Variants in DNAJC13 observed in about 807,000 individuals in gnomAD.
DNAJC13 encodes the protein DnaJ heat shock protein family (Hsp40) member C13, also known as dnaJ homolog subfamily C member 13.
Under a neutral mutation model 290.5 loss-of-function variants are expected in DNAJC13, and 75 were observed. That is an observed-to-expected ratio of 0.26 (90% CI 0.21 to 0.31). The LOEUF (loss-of-function observed/expected upper bound fraction) is 0.31, where lower values mean the gene tolerates loss of function less well. DNAJC13 is among the 10% of genes least tolerant of loss of function. The pLI is 1.00. For missense variants in DNAJC13, 2,260 were observed against 2,674.5 expected (o/e 0.85, Z 3.42); for synonymous variants, 862 against 892.0 (o/e 0.97, Z 0.60).
chr3:132,447,941 T>C lies in DNAJC13; in HGVS notation c.336+2T>C. 6.5e-7 allele frequency: 1 copy of C among 1,528,294 alleles called. No individual in the cohort carries two copies. Among genetic ancestry groups the C allele is most frequent in the Non-Finnish European group, 9.0e-7 (1 of 1,106,274 alleles). 94.7% of individuals were successfully genotyped at this position (1,528,294 alleles called of 1,614,324 possible). ...TCAGAGGGAAAAATCACAGGAAGGG[T>C]AAATATTTAACATTTATTATGTATT... On this transcript the variant is annotated splice_donor_variant, in intron 5 of 55. Transcript: ENST00000260818. LOFTEE classifies it high-confidence loss of function.
chr3:132,455,971 C>T (rs1248887578), intron 9 of DNAJC13, among the ~76,000 whole-genome samples: 2 of 151,752 alleles, frequency 1.3e-5, no homozygotes, highest in Admixed American at 1.3e-4. Context: ...CAATTAGAAC[C>T]GAGTAAAGCT....
chr3:132,530,989 C>T lies in DNAJC13; in HGVS notation c.6526-9C>T, dbSNP rs760565482. 9 of 1,611,548 alleles carry T rather than the reference C, an allele frequency of 5.6e-6. No homozygotes were observed. Among genetic ancestry groups the T allele is most frequent in the Non-Finnish European group, 7.6e-6 (9 of 1,178,044 alleles). ...TTTTATGTTCAAAGGGCTTGTTTTA[C>T]TTTCCTAGGTGAATGAAATCCTGTG... On this transcript the variant is annotated splice_polypyrimidine_tract_variant and intron_variant, in intron 54 of 55. Coordinates refer to ENST00000260818, the MANE Select transcript of DNAJC13 (RefSeq NM_015268.4).
chr3:132,533,333 CTTTTTTT>C (rs1180651951), intron 55 of DNAJC13, among the ~76,000 whole-genome samples: 2 of 115,714 alleles, frequency 1.7e-5, no homozygotes, highest in Admixed American at 9.6e-5. Context: ...TGCCCGCCCT[CTTTTTTT>C]TTTTTTTTTT....
intron 33 of DNAJC13, among the ~76,000 whole-genome samples, chr3:132,492,836 G>T (rs1935108202): frequency 6.6e-6 from 1 of 151,770 alleles, no homozygotes; most frequent in African/African-American, 2.4e-5. Context: ...TTGCAATCTT[G>T]ATCTTTTGTG....
intron 45 of DNAJC13, among the ~76,000 whole-genome samples, 193 bp from the exon 46 acceptor site, chr3:132,514,378 G>C (rs189514564): frequency 6.6e-6 from 1 of 152,018 alleles, no homozygotes; most frequent in Non-Finnish European, 1.5e-5. Context: ...AGGATTGAAG[G>C]CTTCTTAGAA....
At chr3:132,490,408 A>G (rs1935026447) in intron 31 of DNAJC13, among the ~76,000 whole-genome samples, 1 of 152,336 alleles carries the variant, frequency 6.6e-6, no homozygotes, top group Non-Finnish European at 1.5e-5. Context: ...GCAGTTAATT[A>G]TAATTACTTT....
rs906382253 is a variant in DNAJC13 at position 132,441,548 on chromosome 3, T to G, written c.69-4927T>G. ...TGAAGGGATTGAGGATCTTGAACTTTAAAAGTAATACAGGTACACAGAAAT... is the reference window on the plus strand; with the variant it reads ...TGAAGGGATTGAGGATCTTGAACTTGAAAAGTAATACAGGTACACAGAAAT... On this transcript the variant is annotated intron_variant, in intron 2 of 55. Transcript: ENST00000260818. 7.2e-5 allele frequency among the ~76,000 whole-genome samples: 11 copies of G among 152,302 alleles called. No homozygotes were observed. The East Asian group carries it at 2.1e-3, about 29-fold the overall frequency.
chr3:132,532,912 A>AATTATTATTATTATTATTATTATT (rs78689169), intron 55 of DNAJC13, among the ~76,000 whole-genome samples: 4,273 of 141,756 alleles, frequency 0.03, 198 homozygotes, highest in African/African-American at 0.087. Flanking sequence ...TAATTTTTGT[A>AATTATTATTATTATTATTATTATT]ATTATTATTA....
intron 8 of DNAJC13, 30 bp downstream of exon 8, chr3:132,453,724 G>C (rs1286739947): frequency 3.9e-6 from 6 of 1,537,882 alleles, no homozygotes; most frequent in Non-Finnish European, 5.3e-6. Flanking sequence ...GCTTAAATGA[G>C]ATTTCTTTCT....
At chr3:132,439,907 A>T (rs1932998644) in intron 2 of DNAJC13, among the ~76,000 whole-genome samples, 1 of 152,230 alleles carries the variant, frequency 6.6e-6, no homozygotes, top group South Asian at 2.1e-4. Context: ...CAATACAACC[A>T]GATGAACGAT....
chr3:132,452,611 C>A (rs1933451759), intron 6 of DNAJC13, among the ~76,000 whole-genome samples: 1 of 152,134 alleles, frequency 6.6e-6, no homozygotes, highest in Non-Finnish European at 1.5e-5. Flanking sequence ...AAATCGGAAA[C>A]TTTTTGAGTG....
At chr3:132,450,921 A>G (rs1559874059) in intron 6 of DNAJC13, 74 bp downstream of exon 6, 1 of 896,596 alleles carries the variant, frequency 1.1e-6, no homozygotes, top group South Asian at 2.4e-5. Flanking sequence ...AGCTTTTTAT[A>G]CTTCATTTTG....
intron 33 of DNAJC13, 152 bp from the exon 34 acceptor site, chr3:132,493,992 A>G (rs927193118): frequency 8.3e-6 from 5 of 602,176 alleles, no homozygotes; most frequent in Non-Finnish European, 1.1e-5. Flanking sequence ...AGCAGTGCTC[A>G]GGTGATTTTG....
At chr3:132,471,182 T>A (rs1320551357) in intron 20 of DNAJC13, among the ~76,000 whole-genome samples, 4 of 103,972 alleles carry the variant, frequency 3.8e-5, no homozygotes, top group Non-Finnish European at 4.0e-5. Context: ...CACTTCCCAG[T>A]AGGGGCGGCC....
intron 29 of DNAJC13, among the ~76,000 whole-genome samples, chr3:132,485,326 G>A (rs1476183180): frequency 6.6e-6 from 1 of 152,020 alleles, no homozygotes. Flanking sequence ...TTTTAGTAGA[G>A]CAGGGGTTTT....
At position 132,538,598 on chromosome 3, in the gene DNAJC13, A is replaced by T; in HGVS notation, c.*316A>T. The T allele has an allele frequency of 5.5e-6, 1 of 183,146 alleles. No individual in the cohort carries two copies. The highest frequency in any genetic ancestry group is 1.1e-5 in the Non-Finnish European group (1 of 89,184). The allele number at this position is 183,146 out of a possible 1,614,324, so 11.3% of individuals were successfully genotyped here. The stretch of plus-strand genomic sequence containing the variant: ...CAAAACTTTCTTCCTAGTTTTTGTA[A>T]TTTTTTTTTTGAACTAGCATGACTG... On this transcript the variant is annotated 3_prime_UTR_variant, in exon 56 of 56. Transcript: ENST00000260818.
chr3:132,439,708 T>C (rs958017454), intron 2 of DNAJC13, among the ~76,000 whole-genome samples: 9 of 152,230 alleles, frequency 5.9e-5, no homozygotes, highest in African/African-American at 2.2e-4. Context: ...GGCCTTAAAA[T>C]ATTACATTTC....
rs552816953 is a variant in DNAJC13 at position 132,490,204 on chromosome 3, G to A, written c.3469-693G>A. On this transcript the variant is annotated intron_variant, in intron 31 of 55. Coordinates refer to ENST00000260818, the MANE Select transcript of DNAJC13 (RefSeq NM_015268.4). ...AAACAATGTTTGGGTTTTTTCCCTC[G>A]TCTCTTTGTTTTATCCTAGAGAAGT... 1.6e-4 allele frequency among the ~76,000 whole-genome samples: 25 copies of A among 152,058 alleles called. No individual in the cohort carries two copies. In the South Asian group the frequency reaches 4.6e-3, roughly 28 times the overall value.
intron 44 of DNAJC13, 147 bp downstream of exon 44, chr3:132,511,391 T>C: frequency 1.0e-6 from 1 of 982,120 alleles, no homozygotes; most frequent in South Asian, 1.9e-5. Context: ...GACCCTGTAA[T>C]AGTTTTACAA....
Sources: gnomAD v4.1 joint callset for allele counts (sites outside exome capture counted in the v4.1 genomes callset) on GRCh38, gnomAD v4.1.1 for gene constraint, MANE v1.5 for transcripts, NCBI Gene and HGNC (gene_info 2026-07-23, HGNC 2026-07-21) for gene names.